Variants in TIAM1 observed in about 807,000 individuals in gnomAD.
The protein encoded by TIAM1 is TIAM Rac1 associated GEF 1.
TIAM1 carries 65 observed loss-of-function variants against 163.5 expected under a neutral mutation model. The ratio of observed to expected loss-of-function variants is 0.40; its 90% CI spans 0.33 to 0.49. The LOEUF is 0.49. Among genes scored for constraint, TIAM1 ranks in the 20% least tolerant of loss-of-function variants. The pLI is 0.77. For missense variants in TIAM1, 1,789 were observed against 2,044.7 expected (o/e 0.87, Z 2.41); for synonymous variants, 833 against 810.1 (o/e 1.03, Z -0.48).
At chr21:31,517,443 A>T (rs1267306012) in intron 1 of TIAM1, among the ~76,000 whole-genome samples, 1 of 152,172 alleles carries the variant, frequency 6.6e-6, no homozygotes, top group Non-Finnish European at 1.5e-5. Context: ...TATTACTATG[A>T]TTACTCATTG....
intron 2 of TIAM1, among the ~76,000 whole-genome samples, chr21:31,304,321 A>C (rs1030057186): frequency 3.9e-5 from 6 of 152,250 alleles, no homozygotes; most frequent in Admixed American, 1.3e-4. Context: ...AGAAGGAAGA[A>C]AATAAAATTA....
chr21:31,445,021 C>G (rs62223394), intron 2 of TIAM1, among the ~76,000 whole-genome samples: 3 of 151,636 alleles, frequency 2.0e-5, no homozygotes, highest in Non-Finnish European at 2.9e-5. Flanking sequence ...AAACAAAGAA[C>G]AGAAGAGAAG....
intron 1 of TIAM1, among the ~76,000 whole-genome samples, chr21:31,518,565 G>A (rs1268768791): frequency 6.6e-6 from 1 of 152,168 alleles, no homozygotes; most frequent in Non-Finnish European, 1.5e-5. Context: ...GGGATTACAG[G>A]TGTTGGCCAC....
chr21:31,384,583 AAAAG>A (rs1569284345), intron 2 of TIAM1, among the ~76,000 whole-genome samples: 1 of 152,086 alleles, frequency 6.6e-6, no homozygotes, highest in African/African-American at 2.4e-5. Context: ...TCTAAAAAAC[AAAAG>A]AAAGAAAGCT....
In TIAM1 at chr21:31,185,566, A is replaced by G. The variant is rs556352286; in HGVS notation, c.2662+1435T>C. Among the ~76,000 whole-genome samples the G allele has an allele frequency of 2.7e-4, 39 of 143,116 alleles. No individual in the cohort carries two copies. The East Asian group carries it at 7.5e-3, about 27-fold the overall frequency. The allele number at this position is 143,116 out of a possible 152,430, so 93.9% of individuals were successfully genotyped here. On this transcript the variant is annotated intron_variant, in intron 14 of 27. Coordinates refer to ENST00000541036, the MANE Select transcript of TIAM1 (RefSeq NM_001353694.2). The stretch of plus-strand genomic sequence containing the variant: ...ATTATATATTATATATTAATATAAT[A>G]TATTATATATTAATATAATATATTA...
At chr21:31,463,395 G>A (rs1001063513) in intron 2 of TIAM1, among the ~76,000 whole-genome samples, 4 of 152,192 alleles carry the variant, frequency 2.6e-5, no homozygotes, top group Non-Finnish European at 5.9e-5. Flanking sequence ...AGAATCTGCT[G>A]CATCTCCATC....
intron 2 of TIAM1, among the ~76,000 whole-genome samples, chr21:31,317,548 A>C (rs1311447280): frequency 6.6e-6 from 1 of 152,342 alleles, no homozygotes; most frequent in East Asian, 1.9e-4. Flanking sequence ...GGGAGGCCGA[A>C]GTGGGTGGAT....
rs1555982215 is a variant in TIAM1 at position 31,442,070 on chromosome 21, A to AAAAAAAT, written c.-369+21912_-369+21913insATTTTTT. Among the ~76,000 whole-genome samples, 7 of 53,230 alleles carry AAAAAAAT rather than the reference A, an allele frequency of 1.3e-4. 1 individual carries two copies. The highest frequency in any genetic ancestry group is 4.7e-4 in the African/African-American group (7 of 14,876). The allele number at this position is 53,230 out of a possible 152,430, so 34.9% of individuals were successfully genotyped here. Reference sequence around the variant, plus strand: ...GACCCTATCTCAGAACAAATAAATAAATATATATATATATATAGAACAATA... The same window carrying AAAAAAAT: ...GACCCTATCTCAGAACAAATAAATAAAAAAAATATATATATATATATATAGAACAATA... On this transcript the variant is annotated intron_variant, in intron 2 of 28. Transcript: ENST00000286827.
intron 2 of TIAM1, among the ~76,000 whole-genome samples, chr21:31,315,605 G>A (rs964839336): frequency 4.7e-5 from 7 of 149,190 alleles, no homozygotes; most frequent in Non-Finnish European, 8.9e-5. Context: ...AACCAGGGAG[G>A]CGGAGGTTGT....
intron 2 of TIAM1, among the ~76,000 whole-genome samples, chr21:31,385,956 A>T (rs944066380): frequency 6.8e-6 from 1 of 147,718 alleles, no homozygotes; most frequent in Non-Finnish European, 1.5e-5. Flanking sequence ...ACTGGTATTA[A>T]TATATTATAT....
chr21:31,454,491 G>A (rs186572291), intron 2 of TIAM1, among the ~76,000 whole-genome samples: 477 of 152,264 alleles, frequency 3.1e-3, no homozygotes, highest in Non-Finnish European at 4.4e-3. Context: ...CAAGGTAGGC[G>A]TTCACACAGG....
intron 1 of TIAM1, among the ~76,000 whole-genome samples, chr21:31,538,270 C>T (rs776536127): frequency 2.6e-5 from 4 of 152,124 alleles, no homozygotes; most frequent in South Asian, 2.1e-4. Flanking sequence ...TGGCCAGGTG[C>T]GGTTACTCAC....
At chr21:31,451,718 CGTGTGTGTGTGTGTGTGTGTGTGT>C (rs59110882) in intron 2 of TIAM1, among the ~76,000 whole-genome samples, 11 of 142,270 alleles carry the variant, frequency 7.7e-5, no homozygotes, top group African/African-American at 2.9e-4. Context: ...CATGTGTGTG[CGTGTGTGTGTGTGTGTGTGTGTGT>C]GTGTGTGTGT....
chr21:31,143,729 CTTTT>C (rs545023367), intron 20 of TIAM1, among the ~76,000 whole-genome samples: 3 of 143,062 alleles, frequency 2.1e-5, no homozygotes, highest in East Asian at 2.0e-4. Flanking sequence ...ATTCTTCTGT[CTTTT>C]TTTTTTTTTT....
intron 1 of TIAM1, among the ~76,000 whole-genome samples, chr21:31,543,925 C>CT (rs59223526): frequency 0.43 from 65,419 of 152,076 alleles, 15,389 homozygotes; most frequent in East Asian, 0.78. Flanking sequence ...AATAGGCAGT[C>CT]TAAGACCCAG....
intron 5 of TIAM1, among the ~76,000 whole-genome samples, chr21:31,248,820 C>G (rs866885333): frequency 6.6e-6 from 1 of 152,130 alleles, no homozygotes; most frequent in African/African-American, 2.4e-5. Context: ...CTGTGTCACT[C>G]AGCTCTGCGT....
At chr21:31,392,487 T>C (rs1361774558) in intron 2 of TIAM1, among the ~76,000 whole-genome samples, 2 of 150,356 alleles carry the variant, frequency 1.3e-5, no homozygotes, top group Non-Finnish European at 1.5e-5. Context: ...GGAGAATCGC[T>C]TGAACCCGGG....
intron 2 of TIAM1, among the ~76,000 whole-genome samples, chr21:31,438,586 C>A (rs558059): frequency 0.4 from 60,846 of 151,884 alleles, 13,063 homozygotes; most frequent in African/African-American, 0.52. Context: ...AACGTACCAT[C>A]AGCTCACCTG....
In TIAM1 at chr21:31,203,019, CAAAA is replaced by C. The variant is rs58281566; in HGVS notation, c.2389-11_2389-8del. 1 of 1,606,660 alleles carries C rather than the reference CAAAA, an allele frequency of 6.2e-7. No individual in the cohort carries two copies. The highest frequency in any genetic ancestry group is 1.7e-5 in the Admixed American group (1 of 59,310). On this transcript the variant is annotated splice_polypyrimidine_tract_variant and splice_region_variant and intron_variant, in intron 11 of 27. Transcript: ENST00000541036. The stretch of plus-strand genomic sequence containing the variant: ...AATGATCCAGTTGATGTGTCTGGGA[CAAAA>C]AAGAAAGAAAGAAAGAAAATGTCTG...
Sources: allele counts gnomAD v4.1 joint callset (sites outside exome capture counted in the v4.1 genomes callset), GRCh38; gene constraint gnomAD v4.1.1; transcripts MANE v1.5; gene names NCBI Gene and HGNC (gene_info 2026-07-23, HGNC 2026-07-21).